Variants in CLIP2 observed in about 807,000 individuals in gnomAD.
CLIP2 encodes the protein CAP-Gly domain containing linker protein 2.
Under a neutral mutation model 111.7 loss-of-function variants are expected in CLIP2, and 41 were observed. The observed-to-expected ratio is 0.37, with a 90% confidence interval of 0.29 to 0.48. The LOEUF (loss-of-function observed/expected upper bound fraction) is 0.48, where lower values mean the gene tolerates loss of function less well. Ranked by LOEUF, CLIP2 falls within the 20% of genes least tolerant of loss-of-function variation. The pLI, the probability that CLIP2 is intolerant of heterozygous loss-of-function variation, is 0.99. For synonymous variants in CLIP2, 660 were observed against 644.2 expected (o/e 1.02, Z -0.37); for missense variants, 1,160 against 1,422.1 (o/e 0.82, Z 2.96).
chr7:74,367,273 C>T (rs1475306593), intron 8 of CLIP2, among the ~76,000 whole-genome samples: 4 of 152,066 alleles, frequency 2.6e-5, no homozygotes, highest in Admixed American at 6.6e-5. Context: ...TCACTGCAAG[C>T]TCCCCTTCCC....
rs553145807 is a variant in CLIP2 at position 74,341,468 on chromosome 7, C to T, written c.678+2464C>T. Among the ~76,000 whole-genome samples the T allele has an allele frequency of 3.3e-5, 5 of 152,226 alleles. No homozygotes were observed. The East Asian group carries it at 5.8e-4, about 18-fold the overall frequency. ...TGGTGGGATTACAGACGTGAGCCACCGTGCCCAGCCTCAGGAAAGTTTAAT... is the reference window on the plus strand; with the variant it reads ...TGGTGGGATTACAGACGTGAGCCACTGTGCCCAGCCTCAGGAAAGTTTAAT... On this transcript the variant is annotated intron_variant, in intron 3 of 16. Coordinates refer to ENST00000223398, the MANE Select transcript of CLIP2 (RefSeq NM_003388.5).
At chr7:74,367,254 A>G (rs182460474) in intron 8 of CLIP2, among the ~76,000 whole-genome samples, 1,570 of 151,820 alleles carry the variant, frequency 0.01, 26 homozygotes, top group African/African-American at 0.036. Flanking sequence ...GCAGTGGCGC[A>G]ATCTCTGCTC....
intron 11 of CLIP2, among the ~76,000 whole-genome samples, chr7:74,383,419 A>G (rs182787134): frequency 2.6e-5 from 4 of 152,292 alleles, no homozygotes; most frequent in East Asian, 3.9e-4. Flanking sequence ...TGCCAATTCT[A>G]TAATGTTTTA....
intron 8 of CLIP2, among the ~76,000 whole-genome samples, chr7:74,367,720 T>A (rs1790498584): frequency 6.6e-6 from 1 of 152,064 alleles, no homozygotes; most frequent in Non-Finnish European, 1.5e-5. Flanking sequence ...CCTAACCACA[T>A]CTATCCAGGC....
chr7:74,351,075 GA>G (rs1554307419), intron 3 of CLIP2, among the ~76,000 whole-genome samples: 2 of 83,930 alleles, frequency 2.4e-5, no homozygotes, highest in Non-Finnish European at 6.6e-5. Flanking sequence ...GAGAAAGAAA[GA>G]AAGAAAGAAA....
Position 74,314,783 on chromosome 7 carries a change from A to C in CLIP2, c.-67-2697A>C, listed in dbSNP as rs1788725067. 1.3e-5 allele frequency among the ~76,000 whole-genome samples: 2 copies of C among 152,164 alleles called. 1 individual carries two copies. Among genetic ancestry groups the C allele is most frequent in the Non-Finnish European group, 2.9e-5 (2 of 68,040 alleles). ...CTTCTGGAAACATTGGGTGCAGGAA[A>C]GTTTGTGAGTATAGGATAGTGGGGA... On this transcript the variant is annotated intron_variant, in intron 1 of 16. Transcript: ENST00000223398.
chr7:74,291,151 G>A (rs1788005139), intron 1 of CLIP2, among the ~76,000 whole-genome samples: 1 of 152,140 alleles, frequency 6.6e-6, no homozygotes, highest in African/African-American at 2.4e-5. Flanking sequence ...TGCCTTGCGG[G>A]GGAATGATGG....
rs782474721 is a variant in CLIP2 at position 74,338,824 on chromosome 7, C to G, written c.498C>G (p.Ala166=). The G allele has an allele frequency of 6.2e-6, 10 of 1,611,260 alleles. No individual in the cohort carries two copies. In the East Asian group the frequency reaches 2.0e-4, roughly 32 times the overall value. Residue 166 remains alanine (A), a synonymous_variant, in exon 3 of 17, where the codon GCC becomes GCG. Transcript: ENST00000223398. The surrounding 1 kb of genome is among the most constrained non-coding windows in gnomAD (Gnocchi z 4.3). ...CCCACTCCGTGGAGTCGCTGACTGC[C>G]CAGAACCTGTCATTGCATTCGGGCA... ...SDAHSVESLT[A]QNLSLHSGTA...
intron 2 of CLIP2, among the ~76,000 whole-genome samples, chr7:74,322,383 A>T (rs1205978552): frequency 1.3e-5 from 2 of 150,938 alleles, no homozygotes. Context: ...AGGCAGGCAG[A>T]TCACCTGAGG....
Position 74,403,913 on chromosome 7 carries a change from C to G in CLIP2, c.*65C>G. 6.4e-7 allele frequency: 1 copy of G among 1,557,712 alleles called. No homozygotes were observed. The highest frequency in any genetic ancestry group is 8.8e-7 in the Non-Finnish European group (1 of 1,132,398). ...AGCCCCACGCGGCTGCCCGGCAGTA[C>G]CTCCTCCAGGCAGGAGCCGGGACTG... On this transcript the variant is annotated 3_prime_UTR_variant, in exon 17 of 17. Coordinates refer to ENST00000223398, the MANE Select transcript of CLIP2 (RefSeq NM_003388.5).
At chr7:74,375,727 A>C (rs1790755870) in intron 9 of CLIP2, among the ~76,000 whole-genome samples, 160 bp from the exon 10 acceptor site, 1 of 151,728 alleles carries the variant, frequency 6.6e-6, no homozygotes, top group Admixed American at 6.6e-5. Flanking sequence ...TCCAGCCAGC[A>C]CTCAGGAGGG....
At chr7:74,382,577 G>T (rs1369138258) in intron 11 of CLIP2, among the ~76,000 whole-genome samples, 3 of 150,420 alleles carry the variant, frequency 2.0e-5, no homozygotes, top group African/African-American at 7.3e-5. Context: ...CTCCCAAAGT[G>T]CTGGGATTAC....
rs56395750 is a variant in CLIP2 at position 74,299,324 on chromosome 7, A to AAAATAAATAAAT, written c.-68+9622_-68+9633dup. ...TGGGCAACACAGCAAGACCCTGTCT[A>AAAATAAATAAAT]AAATAAATAAATAAATAAATAAATA... On this transcript the variant is annotated intron_variant, in intron 1 of 16. Transcript: ENST00000223398. 1.4e-3 allele frequency among the ~76,000 whole-genome samples: 205 copies of AAAATAAATAAAT among 147,338 alleles called. 3 individuals carry two copies. The highest frequency in any genetic ancestry group is 3.9e-3 in the African/African-American group (153 of 39,440).
chr7:74,302,890 A>T (rs1788377158), intron 1 of CLIP2, among the ~76,000 whole-genome samples: 1 of 152,208 alleles, frequency 6.6e-6, no homozygotes, highest in East Asian at 1.9e-4. Context: ...GGGTGCTCTC[A>T]GGGCAGCTCG....
chr7:74,397,383 A>G (rs1201856180), intron 14 of CLIP2, 150 bp downstream of exon 14: 3 of 904,634 alleles, frequency 3.3e-6, no homozygotes, highest in African/African-American at 1.7e-5. Flanking sequence ...TTCTAGGACC[A>G]CAGGCAGGTG....
chr7:74,398,392 C>T (rs192095272), intron 14 of CLIP2, among the ~76,000 whole-genome samples: 16 of 152,254 alleles, frequency 1.1e-4, no homozygotes, highest in African/African-American at 3.8e-4. Context: ...ACCCCATCCC[C>T]ATCCCATCCT....
At chr7:74,400,294 T>A in intron 14 of CLIP2, 76 bp from the exon 15 acceptor site, 1 of 1,309,982 alleles carries the variant, frequency 7.6e-7, no homozygotes, top group Non-Finnish European at 1.0e-6. Context: ...TGGAAGACTT[T>A]CCTGCCTAGA....
chr7:74,296,788 CAAAAAAA>C (rs3044389), intron 1 of CLIP2, among the ~76,000 whole-genome samples: 1 of 120,160 alleles, frequency 8.3e-6, no homozygotes, highest in African/African-American at 3.5e-5. Context: ...GATTTTGTCT[CAAAAAAA>C]AAAAAAAAAA....
At position 74,356,607 on chromosome 7, in the gene CLIP2, C is replaced by A; in HGVS notation, c.1001C>A (p.Pro334His). The A allele has an allele frequency of 6.2e-7, 1 of 1,613,628 alleles. No homozygotes were observed. Among genetic ancestry groups the A allele is most frequent in the Non-Finnish European group, 8.5e-7 (1 of 1,179,854 alleles). Residue 334 changes from proline to histidine, a missense_variant, in exon 5 of 17, where the codon CCC becomes CAC. Transcript: ENST00000223398. ...GTGGCCTCCTCCGTGGGGGGTCGGC[C>A]CAGCCGCAGTGGCCTGGTGAGGGTG... ...SSVASSVGGR[P>H]SRSGLLTETS...
Sources: gnomAD v4.1 joint callset for allele counts (sites outside exome capture counted in the v4.1 genomes callset) on GRCh38, gnomAD v4.1.1 for gene constraint, Gnocchi (gnomAD v3.1) non-coding constraint, MANE v1.5 for transcripts, NCBI Gene and HGNC (gene_info 2026-07-23, HGNC 2026-07-21) for gene names.